The following KCNJ4 variants were observed in gnomAD, a reference collection of about 807,000 sequenced individuals.
KCNJ4 encodes the protein potassium inwardly rectifying channel subfamily J member 4, also known as inward rectifier potassium channel 4.
In KCNJ4, 3 loss-of-function variants were observed where a neutral mutation model predicts 25.6. The ratio of observed to expected loss-of-function variants is 0.12; its 90% confidence interval spans 0.05 to 0.30. The LOEUF (loss-of-function observed/expected upper bound fraction) is 0.30. KCNJ4 is among the 10% of genes least tolerant of loss of function. KCNJ4 has a pLI of 1.00. For synonymous variants in KCNJ4, 257 were observed against 283.9 expected (o/e 0.91, Z 0.95); for missense variants, 286 against 666.8 (o/e 0.43, Z 6.29).
rs761153680 is a variant in KCNJ4 at position 38,427,929 on chromosome 22, G to C, written c.204C>G (p.Val68=). The C allele has an allele frequency of 6.2e-7, 1 of 1,613,442 alleles. No homozygotes were observed. The highest frequency in any genetic ancestry group is 8.5e-7 in the Non-Finnish European group (1 of 1,179,416). Residue 68 remains valine (V), a synonymous_variant, in exon 2 of 2, where the codon GTC becomes GTG. Transcript: ENST00000303592. ...MLMIFSAAFL[V]SWLFFGLLFW... is the part of the protein sequence containing the mutation. ...AGAGGAGGCCGAAAAAGAGCCAGGA[G>C]ACAAGGAAGGCCGCGGAGAAGATCA...
intron 1 of KCNJ4, among the ~76,000 whole-genome samples, chr22:38,446,043 C>CG (rs1020489495): frequency 6.6e-6 from 1 of 152,152 alleles, no homozygotes; most frequent in Non-Finnish European, 1.5e-5. Flanking sequence ...ATTTTTTCCC[C>CG]GGGTCTTTTA....
At chr22:38,447,163 C>A (rs535915897) in intron 1 of KCNJ4, among the ~76,000 whole-genome samples, 6 of 152,066 alleles carry the variant, frequency 3.9e-5, no homozygotes, top group Non-Finnish European at 7.4e-5. Context: ...GGGAGGTGGG[C>A]CACTCCTCCT....
At chr22:38,438,239 CAA>C (rs57825965) in intron 1 of KCNJ4, among the ~76,000 whole-genome samples, 1 of 22,654 alleles carries the variant, frequency 4.4e-5, no homozygotes, top group Non-Finnish European at 9.0e-5. Flanking sequence ...TACTCTGTCT[CAA>C]AAAAAAAAAA....
At chr22:38,442,924 G>A (rs777047948) in intron 1 of KCNJ4, among the ~76,000 whole-genome samples, 20 of 151,936 alleles carry the variant, frequency 1.3e-4, no homozygotes, top group African/African-American at 4.6e-4. Flanking sequence ...TTAATTTTTT[G>A]TAGAGACAGG....
intron 1 of KCNJ4, among the ~76,000 whole-genome samples, chr22:38,436,312 C>T (rs749884871): frequency 6.6e-6 from 1 of 152,186 alleles, no homozygotes; most frequent in African/African-American, 2.4e-5. Flanking sequence ...GATGCAGCAT[C>T]CCAGAGCCTG....
At chr22:38,445,849 G>T (rs1451977395) in intron 1 of KCNJ4, among the ~76,000 whole-genome samples, 1 of 152,186 alleles carries the variant, frequency 6.6e-6, no homozygotes, top group Non-Finnish European at 1.5e-5. Context: ...GGTGAAATGG[G>T]ATCCGGCGTG....
rs1022169635 is a variant in KCNJ4, at chr22:38,426,986, C to G, written c.1147G>C (p.Glu383Gln). ...YENELALMSQ[E>Q]EEEMEEEAAA... Reference sequence around the variant, plus strand: ...GCCTCCTCCTCCATCTCCTCTTCCTCCTGGCTCATAAGGGCCAGCTCGTTC... The same window carrying G: ...GCCTCCTCCTCCATCTCCTCTTCCTGCTGGCTCATAAGGGCCAGCTCGTTC... Residue 383 changes from glutamate (E) to glutamine (Q), a missense_variant, in exon 2 of 2, where the codon GAG becomes CAG. Physicochemically the swap from Glu to Gln is conservative, Grantham distance 29 (BLOSUM62 2). This residue lies in a region of KCNJ4 where 77 missense variants were observed against 97.6 expected (regional missense o/e 0.79). Transcript: ENST00000303592. The G allele has an allele frequency of 1.9e-6, 3 of 1,612,706 alleles. No homozygotes were observed. Among genetic ancestry groups the G allele is most frequent in the African/African-American group, 2.7e-5 (2 of 74,906 alleles).
At chr22:38,450,090 A>AG (rs2089401396) in intron 1 of KCNJ4, among the ~76,000 whole-genome samples, 1 of 152,240 alleles carries the variant, frequency 6.6e-6, no homozygotes, top group Non-Finnish European at 1.5e-5. Flanking sequence ...TAAAAGTTTG[A>AG]GCAGCGATCA....
intron 1 of KCNJ4, among the ~76,000 whole-genome samples, chr22:38,439,357 G>A (rs567920978): frequency 3.9e-5 from 6 of 152,156 alleles, no homozygotes; most frequent in East Asian, 3.9e-4. Flanking sequence ...ACTTAAACCC[G>A]GGAGGCGGAG....
At chr22:38,440,977 G>A (rs1225829096) in intron 1 of KCNJ4, among the ~76,000 whole-genome samples, 2 of 152,196 alleles carry the variant, frequency 1.3e-5, no homozygotes, top group Non-Finnish European at 2.9e-5. Flanking sequence ...GATGGTGAAC[G>A]CTGGTGACAG....
At chr22:38,437,279 C>T (rs1249932252) in intron 1 of KCNJ4, among the ~76,000 whole-genome samples, 1 of 152,212 alleles carries the variant, frequency 6.6e-6, no homozygotes, top group Non-Finnish European at 1.5e-5. Flanking sequence ...GCTGGAGGAC[C>T]CAGAGGCCAC....
rs199815528 is a variant in KCNJ4, at chr22:38,426,993, C to T, written c.1140G>A (p.Met380Ile). ...AFCYENELAL[M>I]SQEEEEMEEE... is the part of the protein sequence containing the mutation. ...CCTCCATCTCCTCTTCCTCCTGGCT[C>T]ATAAGGGCCAGCTCGTTCTCGTAGC... Residue 380 changes from methionine (M) to isoleucine (I), a missense_variant, in exon 2 of 2, where the codon ATG becomes ATA. Met to Ile is a conservative substitution (Grantham distance 10). Transcript: ENST00000303592. The T allele has an allele frequency of 3.7e-6, 6 of 1,612,566 alleles. No individual in the cohort carries two copies. The Admixed American group carries it at 1.0e-4, about 27-fold the overall frequency.
Position 38,426,531 on chromosome 22 carries a change from A to C in KCNJ4, c.*264T>G. ...AAAGAGGGCACGTCCTTGAAGAGTC[A>C]GTGGGGGAAGGGTGGTGGATCCGGG... is the stretch of plus-strand genomic sequence containing the variant. On this transcript the variant is annotated 3_prime_UTR_variant, in exon 2 of 2. Coordinates refer to ENST00000303592, the MANE Select transcript of KCNJ4 (RefSeq NM_152868.3). 1 of 422,602 alleles carries C rather than the reference A, an allele frequency of 2.4e-6. No homozygotes were observed. Among genetic ancestry groups the C allele is most frequent in the Non-Finnish European group, 4.2e-6 (1 of 236,618 alleles). The allele number at this position is 422,602 out of a possible 1,614,324, so 26.2% of individuals were successfully genotyped here. A position where few individuals can be genotyped will look rare whatever the true frequency, so the allele number is the denominator to read the frequency against.
At chr22:38,428,863 T>C (rs1453284771) in intron 1 of KCNJ4, among the ~76,000 whole-genome samples, 2 of 151,748 alleles carry the variant, frequency 1.3e-5, no homozygotes, top group East Asian at 3.9e-4. Flanking sequence ...GATGCAAAGA[T>C]TGTTTGTGCC....
rs752839382 is a variant in KCNJ4, at chr22:38,427,389, G to A, written c.744C>T (p.Ile248=). Reference sequence around the variant, plus strand: ...ACACCAGGAAGATGCGGTCCAGGCCGATGTCATAGCCCACGTTGAGGTCCC... The same window carrying A: ...ACACCAGGAAGATGCGGTCCAGGCCAATGTCATAGCCCACGTTGAGGTCCC... The part of the protein sequence containing the change: ...DQRDLNVGYD[I]GLDRIFLVSP... Residue 248 remains isoleucine (I), a synonymous_variant, in exon 2 of 2, where the codon ATC becomes ATT. Coordinates refer to ENST00000303592, the MANE Select transcript of KCNJ4 (RefSeq NM_152868.3). 31 of 1,613,970 alleles carry A rather than the reference G, an allele frequency of 1.9e-5. No homozygotes were observed. The highest frequency in any genetic ancestry group is 2.2e-5 in the East Asian group (1 of 44,884).
chr22:38,428,550 G>A (rs1429822805), intron 1 of KCNJ4, among the ~76,000 whole-genome samples: 3 of 152,010 alleles, frequency 2.0e-5, no homozygotes, highest in Non-Finnish European at 4.4e-5. Flanking sequence ...AGGGAGCCAC[G>A]GAGGCGCTAA....
At position 38,427,809 on chromosome 22, in the gene KCNJ4, C is replaced by A. The variant is rs778653465; in HGVS notation, c.324G>T (p.Pro108=). 1.2e-6 allele frequency: 2 copies of A among 1,609,254 alleles called. No homozygotes were observed. Among genetic ancestry groups the A allele is most frequent in the Non-Finnish European group, 1.7e-6 (2 of 1,178,026 alleles). The change falls in exon 2 of 2, where the codon CCG becomes CCT. Residue 108 remains proline, a synonymous_variant. Transcript: ENST00000303592. Reference sequence around the variant, plus strand: ...GCATGATGCAGGGCTTGGGGGCCACCGGGGCTGCTCCGCCACCACCCGCCG... The same window carrying A: ...GCATGATGCAGGGCTTGGGGGCCACAGGGGCTGCTCCGCCACCACCCGCCG... The part of the protein sequence containing the change: ...GPAAGGGGAA[P]VAPKPCIMHV...
At chr22:38,445,157 G>A (rs563416543) in intron 1 of KCNJ4, among the ~76,000 whole-genome samples, 2 of 152,126 alleles carry the variant, frequency 1.3e-5, no homozygotes, top group South Asian at 4.1e-4. Context: ...AGCAGGGCTG[G>A]GCCTGGGCTG....
rs1297583192 is a variant in KCNJ4 at position 38,427,317 on chromosome 22, A to G, written c.816T>C (p.Tyr272=). ...VHEIDEDSPL[Y]GMGKEELESE... is the part of the protein sequence containing the mutation. ...ACTCCAGCTCCTCCTTGCCCATGCC[A>G]TAAAGCGGGCTGTCCTCGTCGATCT... The change falls in exon 2 of 2, where the codon TAT becomes TAC. Residue 272 remains tyrosine, a synonymous_variant. Coordinates refer to ENST00000303592, the MANE Select transcript of KCNJ4 (RefSeq NM_152868.3). The G allele has an allele frequency of 3.7e-6, 6 of 1,613,846 alleles. No individual in the cohort carries two copies. In the African/African-American group the frequency reaches 8.0e-5, roughly 22 times the overall value.
Sources: allele counts gnomAD v4.1 joint callset (sites outside exome capture counted in the v4.1 genomes callset), GRCh38; gene constraint gnomAD v4.1.1; regional missense constraint gnomAD v4.1.1; transcripts MANE v1.5; gene names NCBI Gene and HGNC (gene_info 2026-07-23, HGNC 2026-07-21).